The following RAD51B variants were observed in gnomAD, a reference collection of about 807,000 sequenced individuals.
The protein encoded by RAD51B is RAD51 paralog B, also known as DNA repair protein RAD51 homolog 2.
In RAD51B, 38 loss-of-function variants were observed where a neutral mutation model predicts 42.2. The ratio of observed to expected loss-of-function variants is 0.90; its 90% CI spans 0.70 to 1.18. The LOEUF is 1.18. RAD51B is among the 50% of genes most tolerant of loss of function. RAD51B has a pLI of 0.00. For synonymous variants in RAD51B, 154 were observed against 145.2 expected, an observed-to-expected ratio of 1.06 and a Z score of -0.43; for missense variants, 373 against 400.7, an observed-to-expected ratio of 0.93 and a Z score of 0.59.
chr14:68,048,500 A>G (rs927201455), intron 7 of RAD51B, among the ~76,000 whole-genome samples: 1 of 152,064 alleles, frequency 6.6e-6, no homozygotes, highest in Non-Finnish European at 1.5e-5. Context: ...GGTGTTTTAG[A>G]CATGAAGTCC....
chr14:68,217,854 A>G (rs2079848182), intron 7 of RAD51B, among the ~76,000 whole-genome samples: 1 of 152,194 alleles, frequency 6.6e-6, no homozygotes, highest in Non-Finnish European at 1.5e-5. Flanking sequence ...CTTAACTTTG[A>G]AAGGACAACT....
chr14:68,418,057 A>G (rs186880055), intron 9 of RAD51B, among the ~76,000 whole-genome samples: 2 of 152,334 alleles, frequency 1.3e-5, no homozygotes, highest in East Asian at 3.9e-4. Context: ...CGGGTGAGAG[A>G]ACCACCATGA....
chr14:68,330,721 G>A (rs1419558608), intron 8 of RAD51B, among the ~76,000 whole-genome samples: 2 of 152,100 alleles, frequency 1.3e-5, no homozygotes, highest in Non-Finnish European at 2.9e-5. Context: ...AGGAATACTA[G>A]CATTAAAGTA....
At chr14:67,841,325 AC>A (rs2041420099) in intron 4 of RAD51B, among the ~76,000 whole-genome samples, 1 of 151,766 alleles carries the variant, frequency 6.6e-6, no homozygotes, top group African/African-American at 2.4e-5. Context: ...TGGATATTAG[AC>A]CTTTGTCACA....
Position 67,946,540 on chromosome 14 carries a change from G to A in RAD51B, c.756+59336G>A, listed in dbSNP as rs113041478. 4.6e-5 allele frequency among the ~76,000 whole-genome samples: 7 copies of A among 152,200 alleles called. No individual in the cohort carries two copies. The East Asian group carries it at 1.2e-3, about 25-fold the overall frequency. On this transcript the variant is annotated intron_variant, in intron 7 of 10. Coordinates refer to ENST00000471583, the MANE Select transcript of RAD51B (RefSeq NM_133510.4). ...TCGCCACCATGCCCAGCTGATTTTTGTATTTTTAGTAGAGACATGGTTTCA... is the reference window on the plus strand; with the variant it reads ...TCGCCACCATGCCCAGCTGATTTTTATATTTTTAGTAGAGACATGGTTTCA...
At chr14:68,412,204 T>C (rs2140084981) in intron 9 of RAD51B, among the ~76,000 whole-genome samples, 1 of 152,350 alleles carries the variant, frequency 6.6e-6, no homozygotes, top group East Asian at 1.9e-4. Flanking sequence ...TGGTAAAGCT[T>C]TGGTAAAATG....
At chr14:68,666,029 T>C (rs922738256) in intron 11 of RAD51B, among the ~76,000 whole-genome samples, 2 of 152,212 alleles carry the variant, frequency 1.3e-5, no homozygotes, top group African/African-American at 4.8e-5. Flanking sequence ...GGACTCACTC[T>C]TTCCCCCTTG....
chr14:68,658,290 G>A (rs1158882234), intron 11 of RAD51B, among the ~76,000 whole-genome samples: 2 of 152,198 alleles, frequency 1.3e-5, no homozygotes, highest in African/African-American at 4.8e-5. Context: ...ATGTCAGTGG[G>A]GGCTGCCCGG....
chr14:68,598,955 A>G (rs1016866051), downstream of RAD51B, among the ~76,000 whole-genome samples: 2 of 152,188 alleles, frequency 1.3e-5, no homozygotes, highest in African/African-American at 4.8e-5. Flanking sequence ...TATCACTGAG[A>G]GGAACTGGGA....
intron 4 of RAD51B, among the ~76,000 whole-genome samples, chr14:67,851,977 C>T (rs1044335953): frequency 1.3e-5 from 2 of 152,068 alleles, no homozygotes; most frequent in African/African-American, 2.4e-5. Flanking sequence ...GCAGCTGCAT[C>T]CTGCTGGAGG....
intron 10 of RAD51B, among the ~76,000 whole-genome samples, chr14:68,588,645 A>T (rs1207251717): frequency 6.6e-6 from 1 of 152,192 alleles, no homozygotes; most frequent in Non-Finnish European, 1.5e-5. Context: ...AACTTTCATA[A>T]TGGATAAATG....
At chr14:68,119,997 T>C (rs1484822997) in intron 7 of RAD51B, among the ~76,000 whole-genome samples, 4 of 152,180 alleles carry the variant, frequency 2.6e-5, no homozygotes, top group African/African-American at 9.7e-5. Context: ...CCTGACTTTT[T>C]AATGATTGTC....
In RAD51B at chr14:68,556,181, T is replaced by A. The variant is rs185922143; in HGVS notation, c.1037-38304T>A. Among the ~76,000 whole-genome samples the A allele has an allele frequency of 1.6e-3, 247 of 152,314 alleles. 1 individual carries two copies. The highest frequency in any genetic ancestry group is 5.5e-3 in the African/African-American group (230 of 41,562). ...CTATATTCTGGACATCTTCTAGGCA[T>A]GGGGAAACAGCAGGGAACAACACAT... On this transcript the variant is annotated intron_variant, in intron 10 of 10. Transcript: ENST00000487270.
chr14:68,416,441 G>T (rs1343933370), intron 9 of RAD51B, among the ~76,000 whole-genome samples: 5 of 152,130 alleles, frequency 3.3e-5, no homozygotes, highest in Admixed American at 6.6e-5. Context: ...AAATGTAAGG[G>T]CAGTGCTTGA....
intron 11 of RAD51B, among the ~76,000 whole-genome samples, chr14:68,663,344 A>G (rs1436786149): frequency 6.6e-6 from 1 of 151,550 alleles, no homozygotes; most frequent in Non-Finnish European, 1.5e-5. Context: ...GATGGGTGGG[A>G]CAAGGTCAAG....
rs142618365 is a variant in RAD51B, at chr14:68,147,229, A to G, written c.757-144655A>G. 6.2e-4 allele frequency among the ~76,000 whole-genome samples: 94 copies of G among 152,304 alleles called. 1 individual carries two copies. The East Asian group carries it at 0.015, about 24-fold the overall frequency. ...AGTTGAATTGGATGACACTGGGACT[A>G]TGTGTTTCTGTACTTTTCTTACAGA... On this transcript the variant is annotated intron_variant, in intron 7 of 10. Coordinates refer to ENST00000471583, the MANE Select transcript of RAD51B (RefSeq NM_133510.4).
chr14:68,348,753 A>G (rs1167162901), intron 8 of RAD51B, among the ~76,000 whole-genome samples: 2 of 152,144 alleles, frequency 1.3e-5, no homozygotes, highest in East Asian at 3.9e-4. Flanking sequence ...AAAAAAATTA[A>G]CCAGGCATGG....
At chr14:68,590,549 G>C (rs1164673800) in intron 10 of RAD51B, among the ~76,000 whole-genome samples, 2 of 152,218 alleles carry the variant, frequency 1.3e-5, no homozygotes, top group Non-Finnish European at 2.9e-5. Flanking sequence ...CTATGGCAAA[G>C]GTGCCTGGGG....
intron 7 of RAD51B, among the ~76,000 whole-genome samples, chr14:68,164,290 G>C (rs2078704994): frequency 6.6e-6 from 1 of 152,104 alleles, no homozygotes; most frequent in South Asian, 2.1e-4. Flanking sequence ...CTATCACCTG[G>C]TAATGAAATT....
Sources: gnomAD v4.1 joint callset for allele counts (sites outside exome capture counted in the v4.1 genomes callset) on GRCh38, gnomAD v4.1.1 for gene constraint, MANE v1.5 for transcripts, NCBI Gene and HGNC (gene_info 2026-07-23, HGNC 2026-07-21) for gene names.